STOX2: variants seen among roughly 807,000 people sequenced by gnomAD.
STOX2 encodes the protein storkhead box 2, also known as storkhead-box protein 2.
Under a neutral mutation model 60.9 loss-of-function variants are expected in STOX2, and 28 were observed. The ratio of observed to expected loss-of-function variants is 0.46; its 90% confidence interval spans 0.34 to 0.63. STOX2 has a LOEUF of 0.63. Ranked by LOEUF, STOX2 falls within the 30% of genes least tolerant of loss-of-function variation. STOX2 has a pLI of 0.01. For missense variants in STOX2, 1,024 were observed against 1,187.7 expected, an observed-to-expected ratio of 0.86 and a Z score of 2.03; for synonymous variants, 472 against 463.9, an observed-to-expected ratio of 1.02 and a Z score of -0.22.
intron 1 of STOX2, among the ~76,000 whole-genome samples, chr4:183,870,513 T>A (rs1168371183): frequency 6.6e-6 from 1 of 152,258 alleles, no homozygotes; most frequent in Admixed American, 6.5e-5. Flanking sequence ...AGTTGCCCTT[T>A]ATAATATTGT....
At chr4:183,910,394 A>C (rs71622934) in intron 1 of STOX2, among the ~76,000 whole-genome samples, 3,044 of 152,330 alleles carry the variant, frequency 0.02, 50 homozygotes, top group Middle Eastern at 0.037. Flanking sequence ...ATGATTTTCA[A>C]GGCCCCAAAC....
intron 1 of STOX2, among the ~76,000 whole-genome samples, chr4:183,970,467 C>T (rs911322796): frequency 5.9e-5 from 9 of 152,172 alleles, no homozygotes; most frequent in African/African-American, 2.2e-4. Context: ...TTGCCATTCA[C>T]TGAGAAGGAG....
chr4:183,990,392 A>G (rs1269519521), intron 1 of STOX2, among the ~76,000 whole-genome samples: 3 of 152,154 alleles, frequency 2.0e-5, no homozygotes, highest in East Asian at 1.9e-4. Flanking sequence ...AGCAATGTGT[A>G]TATTTCATGA....
At chr4:183,909,868 G>A (rs1048098479) in intron 1 of STOX2, among the ~76,000 whole-genome samples, 2 of 152,192 alleles carry the variant, frequency 1.3e-5, no homozygotes, top group East Asian at 3.8e-4. Flanking sequence ...TGGCCTTTCC[G>A]ATACCTTCAG....
At chr4:183,964,678 G>A (rs754382324) in intron 1 of STOX2, among the ~76,000 whole-genome samples, 1 of 151,950 alleles carries the variant, frequency 6.6e-6, no homozygotes, top group Non-Finnish European at 1.5e-5. Flanking sequence ...CGCCTCCCAG[G>A]TTCAAGCGAT....
intron 1 of STOX2, among the ~76,000 whole-genome samples, chr4:183,833,649 C>A (rs1320162089): frequency 1.5e-5 from 2 of 134,128 alleles, no homozygotes; most frequent in Admixed American, 1.4e-4. Context: ...TTTTTTTTTT[C>A]ATTCCAAGCA....
intron 1 of STOX2, among the ~76,000 whole-genome samples, chr4:183,961,829 A>G (rs1743422506): frequency 6.6e-6 from 1 of 152,262 alleles, no homozygotes; most frequent in African/African-American, 2.4e-5. Context: ...GGTTCAAAAT[A>G]TTTGTAGCAC....
At chr4:183,983,372 G>T (rs573740613) in intron 1 of STOX2, among the ~76,000 whole-genome samples, 2 of 152,310 alleles carry the variant, frequency 1.3e-5, no homozygotes, top group South Asian at 4.2e-4. Context: ...TATAGGAGCG[G>T]TACTCATTCA....
intron 1 of STOX2, among the ~76,000 whole-genome samples, chr4:183,997,838 A>G (rs1733412038): frequency 6.6e-6 from 1 of 152,224 alleles, no homozygotes; most frequent in African/African-American, 2.4e-5. Context: ...CATATTCATT[A>G]TTATAGTGAA....
chr4:183,809,825 C>G (rs1046477624), intron 1 of STOX2, among the ~76,000 whole-genome samples: 2 of 152,222 alleles, frequency 1.3e-5, no homozygotes, highest in African/African-American at 2.4e-5. Context: ...ACCGTTGTAT[C>G]TTTTCCTTTA....
At chr4:183,969,242 C>T (rs746754813) in intron 1 of STOX2, among the ~76,000 whole-genome samples, 2 of 152,112 alleles carry the variant, frequency 1.3e-5, no homozygotes, top group Admixed American at 6.5e-5. Context: ...GAGCTTGTGA[C>T]GGCAGTGACT....
At chr4:183,864,868 T>G (rs551629781) in intron 1 of STOX2, among the ~76,000 whole-genome samples, 163 of 152,290 alleles carry the variant, frequency 1.1e-3, no homozygotes, top group African/African-American at 3.7e-3. Flanking sequence ...AAACTAATTG[T>G]TTTATAATCT....
chr4:184,013,953 T>C (rs779390418), intron 3 of STOX2: 1 of 152,060 alleles, frequency 6.6e-6, no homozygotes, highest in Non-Finnish European at 1.5e-5. Flanking sequence ...CACCTGGTAA[T>C]TTTTAAAAAA....
At position 184,010,988 on chromosome 4, in the gene STOX2, A is replaced by G. The variant is rs760415047; in HGVS notation, c.2150A>G (p.His717Arg). ...AGCACCTTGTCTGTAAACAGCTATCACAAGTCGAGCCTGTCCCTCCTCAAA... is the reference window on the plus strand; with the variant it reads ...AGCACCTTGTCTGTAAACAGCTATCGCAAGTCGAGCCTGTCCCTCCTCAAA... ...LHSTLSVNSY[H>R]KSSLSLLKSH... Residue 717 changes from histidine to arginine, a missense_variant, in exon 3 of 4, where the codon CAC becomes CGC. By Grantham distance (29) the His-to-Arg change is conservative (BLOSUM62 0). This residue lies in a region of STOX2 where 922 missense variants were observed against 1,058.3 expected (regional missense o/e 0.87). Coordinates refer to ENST00000308497, the MANE Select transcript of STOX2 (RefSeq NM_020225.3). This position sits in a 1 kb window ranked among gnomAD's most constrained non-coding sequence, Gnocchi z 4.5. 1 of 1,613,296 alleles carries G rather than the reference A, an allele frequency of 6.2e-7. No homozygotes were observed. Among genetic ancestry groups the G allele is most frequent in the Non-Finnish European group, 8.5e-7 (1 of 1,179,598 alleles).
chr4:183,803,385 TA>T (rs1277260214), intron 1 of STOX2, among the ~76,000 whole-genome samples: 31 of 151,478 alleles, frequency 2.0e-4, no homozygotes, highest in Admixed American at 1.6e-3. Flanking sequence ...CTAGAATTAT[TA>T]AAAAAAAATG....
At chr4:183,949,437 T>C (rs185139748) in intron 1 of STOX2, among the ~76,000 whole-genome samples, 51 of 152,296 alleles carry the variant, frequency 3.3e-4, no homozygotes, top group Admixed American at 1.2e-3. Flanking sequence ...TGGTGGCTCA[T>C]GCCTGTAATC....
chr4:184,000,217 C>T (rs1306979667), intron 1 of STOX2, among the ~76,000 whole-genome samples: 1 of 152,138 alleles, frequency 6.6e-6, no homozygotes, highest in Non-Finnish European at 1.5e-5. Flanking sequence ...CCAAGAAATT[C>T]TAGGGATCCT....
chr4:183,930,475 G>A (rs1232189815), intron 1 of STOX2, among the ~76,000 whole-genome samples: 1 of 152,018 alleles, frequency 6.6e-6, no homozygotes, highest in Non-Finnish European at 1.5e-5. Context: ...AAGTAGCTGG[G>A]ACTACAGGTG....
Position 184,009,156 on chromosome 4 carries a change from AGG to A in STOX2, c.320-1_320del. The A allele has an allele frequency of 1.7e-6, 1 of 581,866 alleles. No individual in the cohort carries two copies. The highest frequency in any genetic ancestry group is 2.5e-6 in the Non-Finnish European group (1 of 407,276). 36.0% of individuals were successfully genotyped at this position (581,866 alleles called of 1,614,324 possible). A position where few individuals can be genotyped will look rare whatever the true frequency, so the allele number is the denominator to read the frequency against. On this transcript the variant is annotated splice_acceptor_variant and coding_sequence_variant, in exon 3 of 4. Transcript: ENST00000308497. LOFTEE classifies it high-confidence loss of function. This position sits in a 1 kb window ranked among gnomAD's most constrained non-coding sequence, Gnocchi z 4.0. ...AAGTGGTTTTTTTTTTTTTTTTTTC[AGG>A]TGTTCCAACGCCAAGCCAAGAAATT...
Sources: gnomAD v4.1 joint callset for allele counts (sites outside exome capture counted in the v4.1 genomes callset) on GRCh38, gnomAD v4.1.1 for gene constraint, gnomAD v4.1.1 regional missense constraint, Gnocchi (gnomAD v3.1) non-coding constraint, MANE v1.5 for transcripts, NCBI Gene and HGNC (gene_info 2026-07-23, HGNC 2026-07-21) for gene names.